SPCS2: variants seen among roughly 807,000 people sequenced by gnomAD.
SPCS2 encodes the protein SPase 25 kDa subunit.
SPCS2 carries 3 observed loss-of-function variants against 22.3 expected under a neutral mutation model. The ratio of observed to expected loss-of-function variants is 0.13; its 90% CI spans 0.06 to 0.35. SPCS2 has a LOEUF of 0.35. Ranked by LOEUF, SPCS2 falls within the 10% of genes least tolerant of loss-of-function variation. The pLI is 1.00. For synonymous variants in SPCS2, 67 were observed against 97.2 expected, an observed-to-expected ratio of 0.69 and a Z score of 1.83; for missense variants, 169 against 280.9, an observed-to-expected ratio of 0.60 and a Z score of 2.85.
At chr11:74,956,398 A>G (rs1025627262) in intron 1 of SPCS2, among the ~76,000 whole-genome samples, 3 of 152,164 alleles carry the variant, frequency 2.0e-5, no homozygotes, top group Admixed American at 2.0e-4. Context: ...ATTTCCGCTT[A>G]CCCCTCAAAG....
rs145603382 is a variant in SPCS2, at chr11:74,958,015, T to C, written c.115-7019T>C. 2.8e-3 allele frequency among the ~76,000 whole-genome samples: 433 copies of C among 152,352 alleles called. 1 individual carries two copies. The highest frequency in any genetic ancestry group is 0.02 in the South Asian group (97 of 4,830). ...CTCTTTTCAGCCTTAGATCTCACAC[T>C]TACTGGGTTCAGTGGTGGGATGTTT... On this transcript the variant is annotated intron_variant, in intron 1 of 4. Coordinates refer to ENST00000263672, the MANE Select transcript of SPCS2 (RefSeq NM_014752.3).
At chr11:74,976,371 C>T (rs781176751) in intron 4 of SPCS2, among the ~76,000 whole-genome samples, 6 of 152,146 alleles carry the variant, frequency 3.9e-5, no homozygotes, top group Non-Finnish European at 7.4e-5. Context: ...TGGCATATGA[C>T]AGGAGGTCAG....
At chr11:74,976,513 TA>T (rs1054785816) in intron 4 of SPCS2, among the ~76,000 whole-genome samples, 13 of 152,258 alleles carry the variant, frequency 8.5e-5, no homozygotes, top group African/African-American at 2.2e-4. Flanking sequence ...TCAGGTGAGA[TA>T]GGGGAGAAGA....
intron 1 of SPCS2, among the ~76,000 whole-genome samples, chr11:74,952,795 G>T (rs919819624): frequency 6.6e-6 from 1 of 152,234 alleles, no homozygotes; most frequent in Non-Finnish European, 1.5e-5. Context: ...GAAGAGAATA[G>T]TCAAGAGCTG....
chr11:74,957,302 A>T (rs1591735960), intron 1 of SPCS2, among the ~76,000 whole-genome samples: 1 of 152,236 alleles, frequency 6.6e-6, no homozygotes, highest in Non-Finnish European at 1.5e-5. Context: ...CAGTTTCCTT[A>T]AAAAGAAAAA....
intron 1 of SPCS2, among the ~76,000 whole-genome samples, chr11:74,953,892 A>G (rs759955301): frequency 1.3e-5 from 2 of 152,132 alleles, no homozygotes; most frequent in Non-Finnish European, 2.9e-5. Context: ...AGAAGCTATT[A>G]TCTAGACCCT....
intron 1 of SPCS2, 170 bp downstream of exon 1, chr11:74,949,569 A>G (rs1948312813): frequency 2.9e-6 from 2 of 685,772 alleles, no homozygotes; most frequent in South Asian, 1.5e-5. Flanking sequence ...CCCTCATCAC[A>G]CTTCAAACCT....
intron 1 of SPCS2, among the ~76,000 whole-genome samples, chr11:74,950,641 A>G (rs79462089): frequency 0.021 from 3,174 of 152,242 alleles, 129 homozygotes; most frequent in African/African-American, 0.072. Context: ...AGCTTAGGTG[A>G]TCTTCCCACC....
intron 4 of SPCS2, among the ~76,000 whole-genome samples, chr11:74,976,350 A>AT (rs1341609531): frequency 1.3e-5 from 2 of 152,224 alleles, no homozygotes; most frequent in East Asian, 3.8e-4. Context: ...ATAAGAGCCT[A>AT]TTATTAGGCC....
chr11:74,970,963 G>C (rs1948580589), intron 4 of SPCS2, among the ~76,000 whole-genome samples: 1 of 151,834 alleles, frequency 6.6e-6, no homozygotes, highest in South Asian at 2.1e-4. Flanking sequence ...GTCAATTTTA[G>C]AGCATTTTCA....
chr11:74,964,393 G>A (rs1408357502), intron 1 of SPCS2, among the ~76,000 whole-genome samples: 3 of 152,212 alleles, frequency 2.0e-5, no homozygotes, highest in African/African-American at 4.8e-5. Context: ...CACTCAACTC[G>A]TGTTGGGACT....
chr11:74,965,242 A>G (rs566730291), intron 2 of SPCS2, 125 bp downstream of exon 2: 1 of 650,648 alleles, frequency 1.5e-6, no homozygotes, highest in South Asian at 2.3e-5. Context: ...GTCAGAAAGC[A>G]GTTTCTAAAA....
intron 1 of SPCS2, among the ~76,000 whole-genome samples, chr11:74,958,931 AC>A (rs889956895): frequency 6.6e-6 from 1 of 152,024 alleles, no homozygotes; most frequent in Non-Finnish European, 1.5e-5. Context: ...TAAAAAAAAA[AC>A]GTAAATTTGA....
intron 1 of SPCS2, among the ~76,000 whole-genome samples, chr11:74,953,462 G>A (rs1591734466): frequency 6.6e-6 from 1 of 151,958 alleles, no homozygotes; most frequent in East Asian, 1.9e-4. Context: ...CAAAGTGCGG[G>A]GTTTACAAGC....
At chr11:74,975,064 A>C (rs999403987) in intron 4 of SPCS2, among the ~76,000 whole-genome samples, 1 of 152,078 alleles carries the variant, frequency 6.6e-6, no homozygotes, top group Non-Finnish European at 1.5e-5. Flanking sequence ...CCAAAATCCT[A>C]AGGATGGCTT....
intron 4 of SPCS2, among the ~76,000 whole-genome samples, chr11:74,972,866 CTT>C (rs976766019): frequency 4.1e-5 from 6 of 147,854 alleles, no homozygotes; most frequent in Admixed American, 2.0e-4. Flanking sequence ...TCTAATCTCT[CTT>C]ATTAATGTTT....
chr11:74,954,402 G>C (rs183794811), intron 1 of SPCS2, among the ~76,000 whole-genome samples: 3 of 152,298 alleles, frequency 2.0e-5, no homozygotes, highest in African/African-American at 7.2e-5. Flanking sequence ...AGTGTGCCTT[G>C]TGCTATCTAA....
At chr11:74,954,969 T>C (rs1471973222) in intron 1 of SPCS2, among the ~76,000 whole-genome samples, 1 of 152,092 alleles carries the variant, frequency 6.6e-6, no homozygotes, top group East Asian at 1.9e-4. Context: ...CATGGAAAGA[T>C]GCGCAACATC....
intron 1 of SPCS2, among the ~76,000 whole-genome samples, chr11:74,962,182 A>G (rs957343161): frequency 3.9e-5 from 6 of 152,234 alleles, no homozygotes; most frequent in African/African-American, 1.4e-4. Flanking sequence ...GAAATTTTAG[A>G]TACTGGCAAC....
Sources: gnomAD v4.1 joint callset for allele counts (sites outside exome capture counted in the v4.1 genomes callset) on GRCh38, gnomAD v4.1.1 for gene constraint, MANE v1.5 for transcripts, NCBI Gene and HGNC (gene_info 2026-07-23, HGNC 2026-07-21) for gene names.